The following RUFY3 variants were observed in gnomAD, a reference collection of about 807,000 sequenced individuals.
RUFY3 encodes RUN and FYVE domain containing 3.
Under a neutral mutation model 84.0 loss-of-function variants are expected in RUFY3, and 34 were observed. The ratio of observed to expected loss-of-function variants is 0.40; its 90% CI spans 0.31 to 0.54. The LOEUF (loss-of-function observed/expected upper bound fraction) is 0.54. RUFY3 is among the 20% of genes least tolerant of loss of function. RUFY3 has a pLI of 0.39. For missense variants in RUFY3, 507 were observed against 736.8 expected (o/e 0.69, Z 3.61); for synonymous variants, 242 against 252.9 (o/e 0.96, Z 0.41).
intron 3 of RUFY3, among the ~76,000 whole-genome samples, chr4:70,763,884 T>C (rs1284993498): frequency 6.6e-6 from 1 of 152,188 alleles, no homozygotes; most frequent in Non-Finnish European, 1.5e-5. Context: ...AGAGAGATTG[T>C]CTTTTTGTTG....
chr4:70,703,782 CT>C (rs1304716555), upstream of RUFY3: 1 of 152,170 alleles, frequency 6.6e-6, no homozygotes, highest in African/African-American at 2.4e-5. Flanking sequence ...AAAATGTTTA[CT>C]TTTCCTTTCA....
At chr4:70,715,924 T>C (rs545462884) in intron 1 of RUFY3, among the ~76,000 whole-genome samples, 35 of 152,178 alleles carry the variant, frequency 2.3e-4, no homozygotes, top group Admixed American at 5.2e-4. Context: ...CCATCCTGGC[T>C]AACCTGGTGA....
In RUFY3 at chr4:70,778,369, T is replaced by A; in HGVS notation, c.825T>A (p.Asn275Lys). The A allele has an allele frequency of 6.4e-7, 1 of 1,562,466 alleles. No individual in the cohort carries two copies. The highest frequency in any genetic ancestry group is 8.8e-7 in the Non-Finnish European group (1 of 1,133,862). ...CTTTTTTTTCTTCTCTATATTATAG[T>A]GCTACTGTAAACAACCTTCAGGCAA... ...NYVEELNRHL[N>K]ATVNNLQAKV... Residue 275 changes from asparagine (N) to lysine (K), a missense_variant and splice_region_variant, in exon 8 of 18, where the codon AAT becomes AAA. Physicochemically the swap from Asn to Lys is moderately conservative, Grantham distance 94. Around this residue, in one of 4 missense-constraint regions of RUFY3, gnomAD observed 17 missense variants for 54.7 expected, o/e 0.31. Transcript: ENST00000381006.
intron 6 of RUFY3, 133 bp from the exon 7 acceptor site, chr4:70,775,035 T>C (rs1009410616): frequency 1.9e-6 from 1 of 526,544 alleles, no homozygotes; most frequent in Admixed American, 3.4e-5. Flanking sequence ...ACATCAAATC[T>C]GTCTTATGGT....
intron 5 of RUFY3, 21 bp downstream of exon 5, chr4:70,768,682 C>T (rs770134125): frequency 1.2e-6 from 2 of 1,611,066 alleles, no homozygotes; most frequent in Non-Finnish European, 1.7e-6. Context: ...GAGACTCATT[C>T]CCATGGGTGT....
intron 4 of RUFY3, among the ~76,000 whole-genome samples, chr4:70,765,048 C>T (rs1401562739): frequency 2.6e-5 from 4 of 151,696 alleles, no homozygotes; most frequent in East Asian, 1.9e-4. Context: ...ATTAGCCGGG[C>T]GTGGCGGTGG....
chr4:70,783,641 C>T (rs1171093542), intron 9 of RUFY3, among the ~76,000 whole-genome samples: 1 of 152,022 alleles, frequency 6.6e-6, no homozygotes, highest in Non-Finnish European at 1.5e-5. Flanking sequence ...TTTTGTAAAC[C>T]TTTATGTTTT....
intron 1 of RUFY3, among the ~76,000 whole-genome samples, chr4:70,723,103 G>A (rs895321200): frequency 5.9e-5 from 9 of 152,086 alleles, no homozygotes; most frequent in African/African-American, 2.2e-4. Flanking sequence ...AGAAATTGTA[G>A]TGATTTATAA....
intron 10 of RUFY3, among the ~76,000 whole-genome samples, chr4:70,785,513 G>A (rs1023741756): frequency 6.6e-6 from 1 of 152,056 alleles, no homozygotes; most frequent in South Asian, 2.1e-4. Flanking sequence ...TAGCCACTAT[G>A]GAAAACATAG....
At chr4:70,762,867 AG>A (rs1725264421) in intron 2 of RUFY3, among the ~76,000 whole-genome samples, 175 bp downstream of exon 2, 1 of 152,220 alleles carries the variant, frequency 6.6e-6, no homozygotes, top group Non-Finnish European at 1.5e-5. Context: ...ATGGACTTAT[AG>A]GGCTTTAAAA....
chr4:70,800,294 C>A (rs1732057307), intron 15 of RUFY3, 89 bp downstream of exon 15: 2 of 864,624 alleles, frequency 2.3e-6, no homozygotes. Context: ...GGCATTGACA[C>A]CGACCAGACA....
chr4:70,781,446 T>A (rs759554087), intron 8 of RUFY3, among the ~76,000 whole-genome samples: 1 of 152,128 alleles, frequency 6.6e-6, no homozygotes, highest in Non-Finnish European at 1.5e-5. Flanking sequence ...GCCACCACAC[T>A]CCAACCTGGG....
chr4:70,754,554 A>G (rs1222651121), intron 1 of RUFY3, among the ~76,000 whole-genome samples: 2 of 149,616 alleles, frequency 1.3e-5, no homozygotes, highest in African/African-American at 4.9e-5. Context: ...GTAAATGAGG[A>G]TAGAATAAAA....
At chr4:70,715,922 G>A (rs940906874) in intron 1 of RUFY3, among the ~76,000 whole-genome samples, 9 of 152,054 alleles carry the variant, frequency 5.9e-5, no homozygotes, top group Admixed American at 2.6e-4. Flanking sequence ...GACCATCCTG[G>A]CTAACCTGGT....
intron 1 of RUFY3, among the ~76,000 whole-genome samples, chr4:70,748,841 C>T (rs553905849): frequency 1.1e-4 from 17 of 152,024 alleles, no homozygotes; most frequent in Non-Finnish European, 2.4e-4. Context: ...CATAAATGGC[C>T]CAGGAAAGAG....
In RUFY3 at chr4:70,788,960, C is replaced by A. The variant is rs201687667; in HGVS notation, c.1226C>A (p.Ala409Asp). The change falls in exon 11 of 18, where the codon GCC becomes GAC. Residue 409 changes from alanine (A) to aspartate (D), a missense_variant. This residue lies in a region of RUFY3 where 334 missense variants were observed against 364.1 expected (regional missense o/e 0.92). Coordinates refer to ENST00000381006, the MANE Select transcript of RUFY3 (RefSeq NM_001037442.4). ...CTCAGAGCTCTCAAGCATGAACTTG[C>A]CTTTAAGCTGCAGGTAGGGGAAATA... Reference protein sequence around the residue: ...DDLRALKHELAFKLQSSDLGV... With the variant: ...DDLRALKHELDFKLQSSDLGV... 7.8e-5 allele frequency: 126 copies of A among 1,613,942 alleles called. 1 individual carries two copies. The East Asian group carries it at 2.7e-3, about 35-fold the overall frequency.
intron 10 of RUFY3, among the ~76,000 whole-genome samples, chr4:70,787,848 CTAAG>C (rs1324912680): frequency 1.3e-5 from 2 of 151,958 alleles, no homozygotes; most frequent in Admixed American, 1.3e-4. Context: ...AGGAAAGAAA[CTAAG>C]AAAGTATTTG....
At chr4:70,735,098 G>A (rs192917673) in intron 1 of RUFY3, among the ~76,000 whole-genome samples, 4 of 152,340 alleles carry the variant, frequency 2.6e-5, no homozygotes, top group Admixed American at 1.3e-4. Flanking sequence ...CGGAATTCAC[G>A]TTGTCAGATT....
intron 4 of RUFY3, among the ~76,000 whole-genome samples, chr4:70,764,855 A>G (rs1302015031): frequency 6.6e-6 from 1 of 152,184 alleles, no homozygotes; most frequent in African/African-American, 2.4e-5. Flanking sequence ...CAGGCTCAAT[A>G]AGACAAGAAC....
Sources: allele counts gnomAD v4.1 joint callset (sites outside exome capture counted in the v4.1 genomes callset), GRCh38; gene constraint gnomAD v4.1.1; regional missense constraint gnomAD v4.1.1; transcripts MANE v1.5; gene names NCBI Gene and HGNC (gene_info 2026-07-23, HGNC 2026-07-21).